CWC25: variants seen among roughly 807,000 people sequenced by gnomAD.
CWC25 encodes pre-mRNA-splicing factor CWC25 homolog.
CWC25 carries 31 observed loss-of-function variants against 54.6 expected under a neutral mutation model. That is an observed-to-expected ratio of 0.57 (90% CI 0.43 to 0.77). CWC25 has a LOEUF of 0.77. Ranked by LOEUF, CWC25 falls within the 30% of genes least tolerant of loss-of-function variation. The pLI, the probability that CWC25 is intolerant of heterozygous loss-of-function variation, is 0.00. For synonymous variants in CWC25, 151 were observed against 187.0 expected (o/e 0.81, Z 1.57); for missense variants, 453 against 529.3 (o/e 0.86, Z 1.41).
At chr17:38,817,066 C>G (rs954513229) in intron 2 of CWC25, among the ~76,000 whole-genome samples, 9 of 150,190 alleles carry the variant, frequency 6.0e-5, no homozygotes, top group Non-Finnish European at 1.2e-4. Context: ...ATCAGCTGGG[C>G]ACGGTGGCTC....
intron 2 of CWC25, among the ~76,000 whole-genome samples, chr17:38,817,563 C>T (rs149984028): frequency 4.6e-5 from 7 of 151,800 alleles, no homozygotes; most frequent in Admixed American, 2.6e-4. Context: ...CAAAGATGGG[C>T]GGATCACAAG....
At chr17:38,811,403 G>C (rs908040230) in intron 4 of CWC25, among the ~76,000 whole-genome samples, 5 of 151,656 alleles carry the variant, frequency 3.3e-5, no homozygotes, top group Admixed American at 3.3e-4. Flanking sequence ...CATGGTAGCA[G>C]GCGCCTGTAG....
Position 38,806,972 on chromosome 17 carries a change from C to T in CWC25, c.695G>A (p.Arg232Gln), listed in dbSNP as rs372259538. ...AAGACCCTGGTTACGGTCAGAGTTCCGGACCTACATCATTAAGGAAAAGAG... is the reference window on the plus strand; with the variant it reads ...AAGACCCTGGTTACGGTCAGAGTTCTGGACCTACATCATTAAGGAAAAGAG... ...SKVPGYGLQV[R>Q]NSDRNQGLQG... The change falls in exon 7 of 10, where the codon CGG becomes CAG. Residue 232 changes from arginine to glutamine, a missense_variant. Arg to Gln is a conservative substitution (Grantham distance 43). Coordinates refer to ENST00000614790, the MANE Select transcript of CWC25 (RefSeq NM_017748.5). 4 of 1,608,486 alleles carry T rather than the reference C, an allele frequency of 2.5e-6. No homozygotes were observed. Among genetic ancestry groups the T allele is most frequent in the Non-Finnish European group, 2.5e-6 (3 of 1,177,810 alleles).
chr17:38,812,482 C>T (rs143663168), intron 4 of CWC25, among the ~76,000 whole-genome samples: 101 of 152,238 alleles, frequency 6.6e-4, no homozygotes, highest in African/African-American at 2.1e-3. Context: ...ACAAAATTAG[C>T]CGGGCGTGGT....
In CWC25 at chr17:38,801,897, T is replaced by C; in HGVS notation, c.*195A>G. On this transcript the variant is annotated 3_prime_UTR_variant, in exon 10 of 10. Coordinates refer to ENST00000614790, the MANE Select transcript of CWC25 (RefSeq NM_017748.5). ...TTAAAGAGTCAAAACCCAAAGTTAC[T>C]GAGTGTCCCACAAAGCAAGTCACAC... The C allele has an allele frequency of 2.2e-6, 1 of 462,224 alleles. No individual in the cohort carries two copies. The allele number at this position is 462,224 out of a possible 1,614,324, so 28.6% of individuals were successfully genotyped here. A position where few individuals can be genotyped will look rare whatever the true frequency, so the allele number is the denominator to read the frequency against.
intron 8 of CWC25, among the ~76,000 whole-genome samples, chr17:38,803,400 C>T (rs1313605786): frequency 2.6e-5 from 4 of 152,188 alleles, no homozygotes; most frequent in Non-Finnish European, 4.4e-5. Context: ...GAGGCCAAGG[C>T]GGGCAGATCA....
chr17:38,821,852 C>T (rs1911938728), intron 1 of CWC25, among the ~76,000 whole-genome samples: 1 of 151,816 alleles, frequency 6.6e-6, no homozygotes, highest in Non-Finnish European at 1.5e-5. Flanking sequence ...TGACTGCACC[C>T]TCCGCCTCCC....
At chr17:38,825,117 T>C (rs1262551711) in intron 1 of CWC25, 49 bp downstream of exon 1, 1 of 1,059,006 alleles carries the variant, frequency 9.4e-7, no homozygotes, top group East Asian at 3.1e-5. Flanking sequence ...CCCCTGCCAA[T>C]TTCCGTCCCG....
intron 1 of CWC25, among the ~76,000 whole-genome samples, chr17:38,821,287 G>A (rs1299441922): frequency 1.3e-5 from 2 of 152,100 alleles, no homozygotes; most frequent in Non-Finnish European, 2.9e-5. Context: ...CAGGTCGGGC[G>A]CAGTGGCTCA....
intron 6 of CWC25, 34 bp from the exon 7 acceptor site, chr17:38,807,010 T>C: frequency 6.4e-7 from 1 of 1,565,010 alleles, no homozygotes; most frequent in East Asian, 2.3e-5. Flanking sequence ...GTTATTCACA[T>C]GGAAAATCCA....
In CWC25 at chr17:38,806,315, T is replaced by C. The variant is rs764905748; in HGVS notation, c.983A>G (p.His328Arg). ...SPKKEVYQRR[H>R]APGYTRKLSA... Reference sequence around the variant, plus strand: ...GACTCACCTGGTGTATCCGGGAGCATGTCGCCTTTGGTAGACCTCTTTTTT... The same window carrying C: ...GACTCACCTGGTGTATCCGGGAGCACGTCGCCTTTGGTAGACCTCTTTTTT... Residue 328 changes from histidine (H) to arginine (R), a missense_variant, in exon 8 of 10, where the codon CAT (histidine) becomes CGT (arginine). His to Arg is a conservative substitution (Grantham distance 29). Around this residue, in one of 2 missense-constraint regions of CWC25, gnomAD observed 444 missense variants for 499.2 expected, o/e 0.89. Coordinates refer to ENST00000614790, the MANE Select transcript of CWC25 (RefSeq NM_017748.5). The C allele has an allele frequency of 8.1e-6, 13 of 1,612,552 alleles. 1 individual carries two copies. The highest frequency in any genetic ancestry group is 3.3e-4 in the Middle Eastern group (2 of 6,058).
chr17:38,815,608 A>C, intron 2 of CWC25: 3 of 1,019,526 alleles, frequency 2.9e-6, no homozygotes, highest in Non-Finnish European at 2.7e-6. Context: ...GTGAATGGAG[A>C]GAGAATATTC....
In CWC25 at chr17:38,817,006, A is replaced by G. The variant is rs529900203; in HGVS notation, c.192-1909T>C. Among the ~76,000 whole-genome samples the G allele has an allele frequency of 5.4e-4, 81 of 149,032 alleles. 1 individual carries two copies. Among genetic ancestry groups the G allele is most frequent in the African/African-American group, 1.7e-3 (67 of 39,806 alleles). ...CCCAAGACCCTTTAGAATTTTTTTC[A>G]TATTAAAAAAATGAGTCTGAGAAAC... On this transcript the variant is annotated intron_variant, in intron 2 of 9. Transcript: ENST00000614790.
At chr17:38,812,188 C>T (rs557618745) in intron 4 of CWC25, among the ~76,000 whole-genome samples, 65 of 152,070 alleles carry the variant, frequency 4.3e-4, no homozygotes, top group African/African-American at 1.4e-3. Flanking sequence ...CCACCCGCCT[C>T]GGCCTCCCAA....
chr17:38,810,397 A>C, intron 5 of CWC25, 71 bp downstream of exon 5: 2 of 1,457,194 alleles, frequency 1.4e-6, no homozygotes, highest in Non-Finnish European at 1.8e-6. Context: ...GCAGGTGTTC[A>C]TGTCTGTGGA....
At chr17:38,809,831 T>TATGCTG in intron 5 of CWC25, 66 bp from the exon 6 acceptor site, 11 of 1,373,858 alleles carry the variant, frequency 8.0e-6, no homozygotes, top group Non-Finnish European at 1.1e-5. Context: ...TTAAATATCT[T>TATGCTG]ATGCTGAACT....
chr17:38,815,889 T>C (rs1598075361), intron 2 of CWC25: 2 of 246,192 alleles, frequency 8.1e-6, no homozygotes, highest in East Asian at 2.0e-4. Context: ...GAGGGGATGA[T>C]GGGAAAAAAT....
chr17:38,808,684 G>C (rs541586875), intron 6 of CWC25, among the ~76,000 whole-genome samples: 167 of 150,514 alleles, frequency 1.1e-3, no homozygotes, highest in African/African-American at 4.0e-3. Context: ...AGGAGGCTGA[G>C]GCAGGAGAAT....
At chr17:38,811,260 G>C (rs1021030446) in intron 4 of CWC25, among the ~76,000 whole-genome samples, 1 of 151,392 alleles carries the variant, frequency 6.6e-6, no homozygotes, top group Non-Finnish European at 1.5e-5. Flanking sequence ...AAGCCCAGGC[G>C]GGGTGGCTCA....
Sources: gnomAD v4.1 joint callset for allele counts (sites outside exome capture counted in the v4.1 genomes callset) on GRCh38, gnomAD v4.1.1 for gene constraint, gnomAD v4.1.1 regional missense constraint, MANE v1.5 for transcripts, NCBI Gene and HGNC (gene_info 2026-07-23, HGNC 2026-07-21) for gene names.